Variants in NPAS2 observed in about 807,000 individuals in gnomAD.
NPAS2 encodes neuronal PAS domain-containing protein 2.
NPAS2 carries 23 observed loss-of-function variants against 107.5 expected under a neutral mutation model. The ratio of observed to expected loss-of-function variants is 0.21; its 90% CI spans 0.15 to 0.30. The LOEUF (loss-of-function observed/expected upper bound fraction) is 0.30, where lower values mean the gene tolerates loss of function less well. Ranked by LOEUF, NPAS2 falls within the 10% of genes least tolerant of loss-of-function variation. The pLI, the probability that NPAS2 is intolerant of heterozygous loss-of-function variation, is 1.00. For missense variants in NPAS2, 756 were observed against 1,043.3 expected (o/e 0.72, Z 3.79); for synonymous variants, 403 against 417.5 (o/e 0.97, Z 0.42).
intron 7 of NPAS2, among the ~76,000 whole-genome samples, chr2:100,950,538 A>C (rs1303686719): frequency 6.6e-6 from 1 of 152,216 alleles, no homozygotes; most frequent in Non-Finnish European, 1.5e-5. Context: ...CCAAGTCCTC[A>C]CATCTAACCA....
At chr2:100,881,086 G>A (rs1343785082) in intron 1 of NPAS2, among the ~76,000 whole-genome samples, 6 of 152,142 alleles carry the variant, frequency 3.9e-5, no homozygotes, top group South Asian at 4.1e-4. Context: ...GGATGCTGAC[G>A]CTGTTGGCCT....
At chr2:100,984,507 A>T (rs1292028762) in intron 16 of NPAS2, 1 of 152,234 alleles carries the variant, frequency 6.6e-6, no homozygotes, top group Admixed American at 6.5e-5. Flanking sequence ...AATGACAAGT[A>T]TTTGTAGAAA....
chr2:100,974,913 A>T lies in NPAS2; in HGVS notation c.1251A>T (p.Lys417Asn), dbSNP rs768908216. 6.2e-7 allele frequency: 1 copy of T among 1,613,964 alleles called. No homozygotes were observed. Among genetic ancestry groups the T allele is most frequent in the Non-Finnish European group, 8.5e-7 (1 of 1,179,912 alleles). ...CGGCGTCCTCAAGAAGTTCCCACAA[A>T]TCCTCGCACACAGCCATGTCAGAAC... ...SPSASSRSSHKSSHTAMSEPT... is the reference protein window; with the variant it reads ...SPSASSRSSHNSSHTAMSEPT... Residue 417 changes from lysine (K) to asparagine (N), a missense_variant, in exon 13 of 21, where the codon AAA becomes AAT. By Grantham distance (94) the Lys-to-Asn change is moderately conservative. Transcript: ENST00000335681.
At chr2:100,904,900 G>A (rs981214661) in intron 2 of NPAS2, 114 bp downstream of exon 2, 3 of 740,000 alleles carry the variant, frequency 4.1e-6, no homozygotes, top group Admixed American at 4.6e-5. Context: ...AAGATAGGCA[G>A]CTGTAGGACA....
chr2:100,899,779 T>C (rs1197955148), intron 1 of NPAS2, among the ~76,000 whole-genome samples: 5 of 152,168 alleles, frequency 3.3e-5, no homozygotes, highest in Non-Finnish European at 7.3e-5. Flanking sequence ...CTAAATATAG[T>C]CCATAAATAA....
chr2:100,832,635 A>G (rs1269002722), intron 1 of NPAS2, among the ~76,000 whole-genome samples: 3 of 152,154 alleles, frequency 2.0e-5, no homozygotes, highest in East Asian at 1.9e-4. Context: ...CTGGTCTAGT[A>G]GCATTCTCCC....
At chr2:100,873,666 A>G (rs1017865818) in intron 1 of NPAS2, among the ~76,000 whole-genome samples, 1 of 152,054 alleles carries the variant, frequency 6.6e-6, no homozygotes, top group Admixed American at 6.6e-5. Context: ...CTATAAAAAT[A>G]TTTTGTAACT....
intron 1 of NPAS2, among the ~76,000 whole-genome samples, chr2:100,862,827 C>CGGGAGTT (rs1679027471): frequency 6.6e-6 from 1 of 152,146 alleles, no homozygotes; most frequent in Non-Finnish European, 1.5e-5. Context: ...TGCTCTTGTA[C>CGGGAGTT]GCCTCCCATT....
intron 1 of NPAS2, chr2:100,878,093 T>TA: frequency 1.0e-6 from 1 of 985,374 alleles, no homozygotes; most frequent in Non-Finnish European, 1.2e-6. Context: ...AGCATTCCCC[T>TA]ATGTCCACGG....
At chr2:100,840,782 T>C (rs1677350234) in intron 1 of NPAS2, among the ~76,000 whole-genome samples, 1 of 152,090 alleles carries the variant, frequency 6.6e-6, no homozygotes, top group African/African-American at 2.4e-5. Context: ...GAAAGTCACA[T>C]GTGCGAAGGG....
At chr2:100,860,946 A>ACAGT (rs1438777134) in intron 1 of NPAS2, among the ~76,000 whole-genome samples, 12 of 151,864 alleles carry the variant, frequency 7.9e-5, no homozygotes, top group Admixed American at 2.6e-4. Context: ...AAGCTGGAGT[A>ACAGT]CAGTGGCTCA....
At chr2:100,875,615 C>G (rs192869537) in intron 1 of NPAS2, among the ~76,000 whole-genome samples, 1 of 152,158 alleles carries the variant, frequency 6.6e-6, no homozygotes, top group East Asian at 1.9e-4. Context: ...CGCAGCTTGT[C>G]GAGGCTTGAA....
chr2:100,938,675 G>A (rs1475905901), intron 5 of NPAS2, among the ~76,000 whole-genome samples: 1 of 124,774 alleles, frequency 8.0e-6, no homozygotes, highest in Non-Finnish European at 1.7e-5. Flanking sequence ...CACCTGGCTG[G>A]TGGAGGACCC....
Position 100,988,571 on chromosome 2 carries a change from G to T in NPAS2, c.1827+295G>T, listed in dbSNP as rs112426069. 228 of 408,538 alleles carry T rather than the reference G, an allele frequency of 5.6e-4. 2 individuals carry two copies. The highest frequency in any genetic ancestry group is 4.2e-3 in the African/African-American group (209 of 49,492). 25.3% of individuals were successfully genotyped at this position (408,538 alleles called of 1,614,324 possible). A position where few individuals can be genotyped will look rare whatever the true frequency, so the allele number is the denominator to read the frequency against. ...ATGTTCACCTTTGATGCTGACTTAG[G>T]GTTGGAGGCAGATATGGCCATCCCA... On this transcript the variant is annotated intron_variant, in intron 17 of 20. Transcript: ENST00000335681.
intron 1 of NPAS2, among the ~76,000 whole-genome samples, chr2:100,846,284 T>C (rs1287388144): frequency 2.0e-5 from 3 of 152,252 alleles, no homozygotes; most frequent in Non-Finnish European, 4.4e-5. Flanking sequence ...ATAAAAAGTT[T>C]CCAGAGTTTA....
chr2:100,942,549 A>G (rs1396261056), intron 5 of NPAS2, among the ~76,000 whole-genome samples: 1 of 138,850 alleles, frequency 7.2e-6, no homozygotes, highest in African/African-American at 2.6e-5. Flanking sequence ...TGATTTTTAT[A>G]TACCATAAAT....
At position 100,937,801 on chromosome 2, in the gene NPAS2, T is replaced by C. The variant is rs1255073736; in HGVS notation, c.322T>C (p.Tyr108His). The C allele has an allele frequency of 6.2e-7, 1 of 1,614,172 alleles. No individual in the cohort carries two copies. Among genetic ancestry groups the C allele is most frequent in the Non-Finnish European group, 8.5e-7 (1 of 1,180,004 alleles). ...IAVTTDGSII[Y>H]VSDSITPLLG... is the part of the protein sequence containing the mutation. ...AGTGACAACAGACGGCAGCATCATC[T>C]ATGTCTCTGACAGTATCACGCCTCT... Residue 108 changes from tyrosine (Y) to histidine (H), a missense_variant, in exon 5 of 21, where the codon TAT becomes CAT. Physicochemically the swap from Tyr to His is moderately conservative, Grantham distance 83. Transcript: ENST00000335681.
chr2:100,847,179 C>T (rs1677826650), intron 1 of NPAS2: 2 of 152,122 alleles, frequency 1.3e-5, no homozygotes, highest in South Asian at 4.2e-4. Flanking sequence ...TGAGAAAAGA[C>T]AGGTTAAAAA....
rs553770076 is a variant in NPAS2, at chr2:100,820,246, C to CGCG, written c.-170_-168dup. ...GCCGCGGAGCCCGGAGACCCGCAGC[C>CGCG]GCGGCGGCGGCGGCGGCGGCGGCAG... On this transcript the variant is annotated 5_prime_UTR_variant, in exon 1 of 21. Transcript: ENST00000335681. The surrounding 1 kb of genome is among the most constrained non-coding windows in gnomAD (Gnocchi z 5.6). 2.9e-3 allele frequency: 417 copies of CGCG among 145,054 alleles called. No homozygotes were observed. The highest frequency in any genetic ancestry group is 8.3e-3 in the East Asian group (40 of 4,846). 9.0% of individuals were successfully genotyped at this position (145,054 alleles called of 1,614,324 possible). A position where few individuals can be genotyped will look rare whatever the true frequency, so the allele number is the denominator to read the frequency against.
Sources: gnomAD v4.1 joint callset for allele counts (sites outside exome capture counted in the v4.1 genomes callset) on GRCh38, gnomAD v4.1.1 for gene constraint, Gnocchi (gnomAD v3.1) non-coding constraint, MANE v1.5 for transcripts, NCBI Gene and HGNC (gene_info 2026-07-23, HGNC 2026-07-21) for gene names.